RAP1GDS1: variants seen among roughly 807,000 people sequenced by gnomAD.
The protein encoded by RAP1GDS1 is RAP1, GTP-GDP dissociation stimulator 1.
Under a neutral mutation model 71.1 loss-of-function variants are expected in RAP1GDS1, and 35 were observed. That is an observed-to-expected ratio of 0.49 (90% CI 0.38 to 0.65). RAP1GDS1 has a LOEUF of 0.65. RAP1GDS1 is among the 30% of genes least tolerant of loss of function. RAP1GDS1 has a pLI of 0.00. For synonymous variants in RAP1GDS1, 229 were observed against 243.1 expected (o/e 0.94, Z 0.54); for missense variants, 663 against 706.1 (o/e 0.94, Z 0.69).
intron 2 of RAP1GDS1, among the ~76,000 whole-genome samples, chr4:98,297,590 C>T (rs1270835855): frequency 6.6e-6 from 1 of 152,130 alleles, no homozygotes; most frequent in Non-Finnish European, 1.5e-5. Context: ...GTGCCGTGAA[C>T]CATGCCCATG....
At chr4:98,342,470 C>G (rs944883102) in intron 2 of RAP1GDS1, among the ~76,000 whole-genome samples, 2 of 150,378 alleles carry the variant, frequency 1.3e-5, no homozygotes, top group African/African-American at 5.0e-5. Flanking sequence ...CATGAAGTAG[C>G]TTGTTTTTAT....
intron 7 of RAP1GDS1, among the ~76,000 whole-genome samples, chr4:98,415,847 A>G (rs1426885327): frequency 6.6e-6 from 1 of 152,208 alleles, no homozygotes; most frequent in Non-Finnish European, 1.5e-5. Context: ...ACCACCATGT[A>G]CCCATCACTC....
intron 12 of RAP1GDS1, among the ~76,000 whole-genome samples, chr4:98,430,056 A>G (rs1750178282): frequency 6.6e-6 from 1 of 152,064 alleles, no homozygotes; most frequent in African/African-American, 2.4e-5. Flanking sequence ...TTTTCTGTGA[A>G]TTTTGTTCAT....
At chr4:98,266,563 C>T (rs986797378) in intron 1 of RAP1GDS1, among the ~76,000 whole-genome samples, 2 of 152,068 alleles carry the variant, frequency 1.3e-5, no homozygotes, top group African/African-American at 4.8e-5. Context: ...TTTGCCTGAT[C>T]TTTGCAAGTC....
chr4:98,275,455 C>A (rs1724069568), intron 1 of RAP1GDS1, among the ~76,000 whole-genome samples: 2 of 152,048 alleles, frequency 1.3e-5, no homozygotes, highest in African/African-American at 4.8e-5. Flanking sequence ...GAGTTGTGTT[C>A]CAATAAAATT....
At chr4:98,313,426 A>G (rs1045119198) in intron 2 of RAP1GDS1, among the ~76,000 whole-genome samples, 5 of 152,228 alleles carry the variant, frequency 3.3e-5, no homozygotes, top group Admixed American at 6.5e-5. Context: ...TAATTGATAG[A>G]AAATTAACCA....
intron 2 of RAP1GDS1, among the ~76,000 whole-genome samples, chr4:98,299,174 T>C (rs537430467): frequency 6.6e-5 from 10 of 152,314 alleles, no homozygotes; most frequent in South Asian, 2.1e-4. Flanking sequence ...TTTCTGTCCT[T>C]GTGATAGTTT....
intron 1 of RAP1GDS1, among the ~76,000 whole-genome samples, chr4:98,262,227 A>G (rs1722116091): frequency 6.6e-6 from 1 of 152,194 alleles, no homozygotes; most frequent in Non-Finnish European, 1.5e-5. Context: ...TACAGTGTGC[A>G]ATATTCCCGT....
chr4:98,323,105 A>G (rs2110345486), intron 2 of RAP1GDS1, among the ~76,000 whole-genome samples: 1 of 151,136 alleles, frequency 6.6e-6, no homozygotes, highest in Middle Eastern at 3.4e-3. Context: ...CACCGATCCC[A>G]CAGAAATACA....
At chr4:98,356,439 G>T (rs956223546) in intron 4 of RAP1GDS1, among the ~76,000 whole-genome samples, 2 of 151,802 alleles carry the variant, frequency 1.3e-5, no homozygotes, top group African/African-American at 4.8e-5. Flanking sequence ...ATAATTCCTG[G>T]GGATAAATTG....
intron 11 of RAP1GDS1, among the ~76,000 whole-genome samples, 186 bp from the exon 12 acceptor site, chr4:98,421,068 TA>T (rs1414795058): frequency 6.6e-6 from 1 of 152,250 alleles, no homozygotes; most frequent in Admixed American, 6.5e-5. Context: ...GTATTTTCTA[TA>T]AAATTTCACA....
intron 5 of RAP1GDS1, among the ~76,000 whole-genome samples, chr4:98,384,473 A>G (rs1393807858): frequency 6.6e-6 from 1 of 151,694 alleles, no homozygotes; most frequent in Non-Finnish European, 1.5e-5. Flanking sequence ...CACAAGTGTT[A>G]TTTTAAACAA....
At chr4:98,313,798 G>A (rs1056554730) in intron 2 of RAP1GDS1, among the ~76,000 whole-genome samples, 2 of 152,100 alleles carry the variant, frequency 1.3e-5, no homozygotes, top group Non-Finnish European at 2.9e-5. Flanking sequence ...AGTAAGCCAT[G>A]ATCATGCCAC....
chr4:98,418,534 T>C lies in RAP1GDS1; in HGVS notation c.1040-123T>C. 5.5e-6 allele frequency: 5 copies of C among 906,772 alleles called. No individual in the cohort carries two copies. The South Asian group carries it at 2.2e-4, about 39-fold the overall frequency. The allele number at this position is 906,772 out of a possible 1,614,324, so 56.2% of individuals were successfully genotyped here. On this transcript the variant is annotated intron_variant, in intron 9 of 14. Transcript: ENST00000408927. The stretch of plus-strand genomic sequence containing the variant: ...CCTATAAATCTGATGGGAGAAAGAT[T>C]TGGAATTCATTTTATTGTATAGCTC...
intron 5 of RAP1GDS1, among the ~76,000 whole-genome samples, chr4:98,387,871 G>C (rs953072440): frequency 1.3e-5 from 2 of 152,278 alleles, no homozygotes; most frequent in Middle Eastern, 6.8e-3. Flanking sequence ...GGCAGAAGTA[G>C]TAGTCTTGCA....
chr4:98,308,537 C>T (rs1054165001), intron 2 of RAP1GDS1, among the ~76,000 whole-genome samples: 1 of 151,242 alleles, frequency 6.6e-6, no homozygotes, highest in African/African-American at 2.4e-5. Flanking sequence ...AATTTTTTGC[C>T]GAATTAATGT....
intron 12 of RAP1GDS1, among the ~76,000 whole-genome samples, chr4:98,430,679 T>C (rs1257360285): frequency 6.6e-6 from 1 of 152,234 alleles, no homozygotes; most frequent in Non-Finnish European, 1.5e-5. Context: ...GTGGCATCTG[T>C]TATTACACTG....
At chr4:98,364,887 G>A (rs535736481) in intron 4 of RAP1GDS1, among the ~76,000 whole-genome samples, 2 of 152,052 alleles carry the variant, frequency 1.3e-5, no homozygotes, top group African/African-American at 4.8e-5. Flanking sequence ...GAATTAGCCT[G>A]GCGTGGTGGC....
intron 3 of RAP1GDS1, among the ~76,000 whole-genome samples, chr4:98,344,899 A>G (rs1736000536): frequency 6.6e-6 from 1 of 152,120 alleles, no homozygotes. Flanking sequence ...ATCACGGTTC[A>G]CTGCAGCCTT....
Sources: allele counts gnomAD v4.1 joint callset (sites outside exome capture counted in the v4.1 genomes callset), GRCh38; gene constraint gnomAD v4.1.1; transcripts MANE v1.5; gene names NCBI Gene and HGNC (gene_info 2026-07-23, HGNC 2026-07-21).